The following FREM3 variants were observed in gnomAD, a reference collection of about 807,000 sequenced individuals.
FREM3 encodes FRAS1-related extracellular matrix protein 3.
In FREM3, 105 loss-of-function variants were observed where a neutral mutation model predicts 129.1. That is an observed-to-expected ratio of 0.81 (90% CI 0.69 to 0.96). The LOEUF (loss-of-function observed/expected upper bound fraction) is 0.96, where lower values mean the gene tolerates loss of function less well. Among genes scored for constraint, FREM3 ranks in the 40% least tolerant of loss-of-function variants. The probability of loss-of-function intolerance (pLI) is 0.00; values close to 1 mark genes in which losing one functional copy is unlikely to be tolerated. For missense variants in FREM3, 2,593 were observed against 2,666.3 expected, an observed-to-expected ratio of 0.97 and a Z score of 0.61; for synonymous variants, 1,014 against 1,044.9, an observed-to-expected ratio of 0.97 and a Z score of 0.57.
At chr4:143,685,948 G>A (rs1740356705) in intron 2 of FREM3, among the ~76,000 whole-genome samples, 1 of 152,100 alleles carries the variant, frequency 6.6e-6, no homozygotes, top group Non-Finnish European at 1.5e-5. Flanking sequence ...ACCATGGCAT[G>A]TGTATACCCA....
intron 2 of FREM3, among the ~76,000 whole-genome samples, chr4:143,650,355 C>T (rs1454285737): frequency 2.6e-5 from 4 of 152,232 alleles, no homozygotes; most frequent in Admixed American, 2.0e-4. Flanking sequence ...ACCTTCCCCA[C>T]AGTTGGTTCT....
At chr4:143,681,601 G>A (rs149412891) in intron 2 of FREM3, among the ~76,000 whole-genome samples, 7 of 151,972 alleles carry the variant, frequency 4.6e-5, no homozygotes, top group East Asian at 1.9e-4. Flanking sequence ...GCCTTAGTCC[G>A]GATTACTCAA....
At position 143,585,230 on chromosome 4, in the gene FREM3, TGA is replaced by T. The variant is rs1308375081; in HGVS notation, c.6178+612_6178+613del. Among the ~76,000 whole-genome samples, 1 of 152,160 alleles carries T rather than the reference TGA, an allele frequency of 6.6e-6. No individual in the cohort carries two copies. Among genetic ancestry groups the T allele is most frequent in the African/African-American group, 2.4e-5 (1 of 41,426 alleles). ...CACACCAAAAGGTCACAACTGCAAA[TGA>T]GAAAATGTGGGCATCAATGTACATG... On this transcript the variant is annotated intron_variant, in intron 7 of 7. Transcript: ENST00000329798. This position sits in a 1 kb window ranked among gnomAD's most constrained non-coding sequence, Gnocchi z 4.2.
In FREM3 at chr4:143,699,505, G is replaced by T. The variant is rs1740651250; in HGVS notation, c.1171C>A (p.Pro391Thr). The stretch of plus-strand genomic sequence containing the variant: ...TCCCCATGGGAGTTCTCTGCAGGGG[G>T]CTGATAGGCAATCTTCAGCTCCCTC... Reference protein sequence around the residue: ...ELRELKIAYQPPAENSHGERL... With the variant: ...ELRELKIAYQTPAENSHGERL... The change falls in exon 1 of 8, where the codon CCC becomes ACC. Residue 391 changes from proline (P) to threonine (T), a missense_variant. Pro to Thr is a conservative substitution (Grantham distance 38). Transcript: ENST00000329798. The surrounding 1 kb of genome is among the most constrained non-coding windows in gnomAD (Gnocchi z 4.2). The T allele has an allele frequency of 1.3e-6, 2 of 1,537,318 alleles. No homozygotes were observed. The highest frequency in any genetic ancestry group is 8.7e-7 in the Non-Finnish European group (1 of 1,146,928).
intron 7 of FREM3, among the ~76,000 whole-genome samples, chr4:143,578,339 T>TGC (rs1162347551): frequency 6.6e-6 from 1 of 152,252 alleles, no homozygotes; most frequent in Non-Finnish European, 1.5e-5. Context: ...TTGTTATTAA[T>TGC]CATTTTTTCA....
chr4:143,697,599 A>G lies in FREM3; in HGVS notation c.3077T>C (p.Val1026Ala), dbSNP rs971121817. 3.9e-6 allele frequency: 6 copies of G among 1,537,674 alleles called. No individual in the cohort carries two copies. The highest frequency in any genetic ancestry group is 5.2e-6 in the Non-Finnish European group (6 of 1,147,002). ...GGCATCGTGCTGCTTTTGAAAACCAACTTCACCTGCAGTGTGGGCATAGGC... is the reference window on the plus strand; with the variant it reads ...GGCATCGTGCTGCTTTTGAAAACCAGCTTCACCTGCAGTGTGGGCATAGGC... ...RVAYAHTAGE[V>A]GFQKQHDAFS... is the part of the protein sequence containing the mutation. The change falls in exon 1 of 8, where the codon GTT (valine) becomes GCT (alanine). Residue 1026 changes from valine (V) to alanine (A), a missense_variant. Around this residue, in one of 2 missense-constraint regions of FREM3, gnomAD observed 2,276 missense variants for 2,267.2 expected, o/e 1.00. Transcript: ENST00000329798.
At chr4:143,655,159 T>C (rs1284528925) in intron 2 of FREM3, among the ~76,000 whole-genome samples, 1 of 152,190 alleles carries the variant, frequency 6.6e-6, no homozygotes, top group Non-Finnish European at 1.5e-5. Context: ...CATTGTACTG[T>C]GCACCAGTGT....
intron 2 of FREM3, among the ~76,000 whole-genome samples, chr4:143,663,331 C>T (rs1248152426): frequency 8.6e-5 from 13 of 152,016 alleles, no homozygotes; most frequent in Non-Finnish European, 1.6e-4. Flanking sequence ...TTTATTTCTC[C>T]TTCACTTATG....
At position 143,698,782 on chromosome 4, in the gene FREM3, T is replaced by C. The variant is rs1310711107; in HGVS notation, c.1894A>G (p.Met632Val). 1.2e-5 allele frequency: 19 copies of C among 1,537,628 alleles called. No homozygotes were observed. Among genetic ancestry groups the C allele is most frequent in the Non-Finnish European group, 1.4e-5 (16 of 1,146,998 alleles). ...LSTEDEDWHY[M>V]EKEGLYEKVV... ...TTCTCATAAAGCCCTTCCTTTTCCA[T>C]GTAGTGCCAGTCTTCATCTTCAGTT... The change falls in exon 1 of 8, where the codon ATG becomes GTG. Residue 632 changes from methionine to valine, a missense_variant. By Grantham distance (21) the Met-to-Val change is conservative. This residue lies in a region of FREM3 where 2,276 missense variants were observed against 2,267.2 expected (regional missense o/e 1.00). Coordinates refer to ENST00000329798, the MANE Select transcript of FREM3 (RefSeq NM_001168235.2).
At chr4:143,620,592 T>C (rs1738928602) in intron 5 of FREM3, among the ~76,000 whole-genome samples, 1 of 152,096 alleles carries the variant, frequency 6.6e-6, no homozygotes, top group Non-Finnish European at 1.5e-5. Flanking sequence ...GGTTGTGAGA[T>C]GGGGAGAGAG....
At chr4:143,671,983 G>A (rs1179006034) in intron 2 of FREM3, among the ~76,000 whole-genome samples, 1 of 152,100 alleles carries the variant, frequency 6.6e-6, no homozygotes, top group Non-Finnish European at 1.5e-5. Context: ...AAAATGCTGA[G>A]ACCACACCCA....
At position 143,622,407 on chromosome 4, in the gene FREM3, T is replaced by TG. The variant is rs2149841700; in HGVS notation, c.5654-1246_5654-1245insC. ...CTGCACCCGGCTGGCAATCATCTTT[T>TG]TTTTTTTTTTTTTTCCCATTTTGGA... On this transcript the variant is annotated intron_variant, in intron 4 of 7. Coordinates refer to ENST00000329798, the MANE Select transcript of FREM3 (RefSeq NM_001168235.2). Among the ~76,000 whole-genome samples, 3 of 144,288 alleles carry TG rather than the reference T, an allele frequency of 2.1e-5. No individual in the cohort carries two copies. The South Asian group carries it at 6.3e-4, about 30-fold the overall frequency. The allele number at this position is 144,288 out of a possible 152,430, so 94.7% of individuals were successfully genotyped here. A position where few individuals can be genotyped will look rare whatever the true frequency, so the allele number is the denominator to read the frequency against.
At chr4:143,581,771 C>T (rs1467567512) in intron 7 of FREM3, among the ~76,000 whole-genome samples, 1 of 152,162 alleles carries the variant, frequency 6.6e-6, no homozygotes, top group Non-Finnish European at 1.5e-5. Flanking sequence ...CACAGCTGCA[C>T]CACCTCCTGG....
intron 2 of FREM3, among the ~76,000 whole-genome samples, chr4:143,670,196 C>T (rs1304625480): frequency 6.6e-6 from 1 of 152,108 alleles, no homozygotes; most frequent in Non-Finnish European, 1.5e-5. Context: ...ACATCTAGCA[C>T]AATACCTGGG....
Position 143,698,021 on chromosome 4 carries a change from G to C in FREM3, c.2655C>G (p.Val885=). The C allele has an allele frequency of 6.5e-7, 1 of 1,537,340 alleles. No individual in the cohort carries two copies. The highest frequency in any genetic ancestry group is 2.4e-5 in the East Asian group (1 of 40,906). ...GHLQYFKRCM[V]PGESFMQADV... ...CAGCTTGCATGAAAGATTCCCCTGG[G>C]ACCATACATCTTTTAAAGTACTGCA... Residue 885 remains valine (V), a synonymous_variant, in exon 1 of 8, where the codon GTC becomes GTG. Transcript: ENST00000329798.
chr4:143,589,452 T>C (rs960346673), intron 6 of FREM3, among the ~76,000 whole-genome samples: 3 of 152,212 alleles, frequency 2.0e-5, no homozygotes, highest in African/African-American at 7.2e-5. Context: ...TTCAGCTTTC[T>C]ACATGTGGCT....
chr4:143,578,672 T>C (rs922329507), intron 7 of FREM3, among the ~76,000 whole-genome samples: 1 of 152,230 alleles, frequency 6.6e-6, no homozygotes, highest in East Asian at 1.9e-4. Flanking sequence ...GTATCATCTT[T>C]GTGATATTCC....
chr4:143,606,406 C>T (rs149020181), intron 6 of FREM3, among the ~76,000 whole-genome samples: 107 of 151,040 alleles, frequency 7.1e-4, no homozygotes, highest in African/African-American at 2.5e-3. Context: ...AAGAAAGCTG[C>T]AACCCTTTTA....
intron 2 of FREM3, among the ~76,000 whole-genome samples, chr4:143,628,046 T>C (rs1739074643): frequency 6.6e-6 from 1 of 151,976 alleles, no homozygotes; most frequent in South Asian, 2.1e-4. Flanking sequence ...CTTGGTAGTT[T>C]TAAATTCAGG....
Sources: gnomAD v4.1 joint callset for allele counts (sites outside exome capture counted in the v4.1 genomes callset) on GRCh38, gnomAD v4.1.1 for gene constraint, gnomAD v4.1.1 regional missense constraint, Gnocchi (gnomAD v3.1) non-coding constraint, MANE v1.5 for transcripts, NCBI Gene and HGNC (gene_info 2026-07-23, HGNC 2026-07-21) for gene names.